MAP3K7CL: variants seen among roughly 807,000 people sequenced by gnomAD.
MAP3K7CL encodes MAP3K7 C-terminal like.
MAP3K7CL carries 16 observed loss-of-function variants against 18.6 expected under a neutral mutation model. That is an observed-to-expected ratio of 0.86 (90% CI 0.58 to 1.31). The LOEUF (loss-of-function observed/expected upper bound fraction) is 1.31. Ranked by LOEUF, MAP3K7CL falls within the 50% of genes most tolerant of loss-of-function variation. The pLI is 0.00. For missense variants in MAP3K7CL, 163 were observed against 174.4 expected (o/e 0.93, Z 0.37); for synonymous variants, 65 against 66.8 (o/e 0.97, Z 0.13).
At chr21:29,140,081 G>A (rs1004856793) in intron 2 of MAP3K7CL, among the ~76,000 whole-genome samples, 6 of 152,148 alleles carry the variant, frequency 3.9e-5, no homozygotes, top group Middle Eastern at 3.4e-3. Flanking sequence ...ATTTAAAGCC[G>A]CCTCAGCATG....
chr21:29,149,212 A>T lies in MAP3K7CL; in HGVS notation c.94A>T (p.Ile32Phe), dbSNP rs372225924. Residue 32 changes from isoleucine to phenylalanine, a missense_variant, in exon 3 of 5, where the codon ATT becomes TTT. Coordinates refer to ENST00000399928, the MANE Select transcript of MAP3K7CL (RefSeq NM_001286620.2). ...ASDDTPPEDSIPLVFPELDQQ... is the reference protein window; with the variant it reads ...ASDDTPPEDSFPLVFPELDQQ... ...AGATGATACACCCCCTGAAGACTCCATTCCTTTGGTCTTTCCAGAATTAGA... is the reference window on the plus strand; with the variant it reads ...AGATGATACACCCCCTGAAGACTCCTTTCCTTTGGTCTTTCCAGAATTAGA... The T allele has an allele frequency of 4.3e-6, 7 of 1,613,910 alleles. No individual in the cohort carries two copies. The highest frequency in any genetic ancestry group is 1.3e-5 in the African/African-American group (1 of 74,942).
At chr21:29,106,040 A>C (rs991037729) in intron 4 of MAP3K7CL, among the ~76,000 whole-genome samples, 1 of 152,168 alleles carries the variant, frequency 6.6e-6, no homozygotes, top group African/African-American at 2.4e-5. Flanking sequence ...CTGTAGGCTC[A>C]CACTAATCCC....
At chr21:29,135,420 C>G (rs924045652) in intron 2 of MAP3K7CL, among the ~76,000 whole-genome samples, 9 of 152,136 alleles carry the variant, frequency 5.9e-5, no homozygotes, top group African/African-American at 2.2e-4. Flanking sequence ...GTGAGCAGAA[C>G]AAGTCCTGTT....
chr21:29,108,162 G>C (rs1344190646), intron 4 of MAP3K7CL, among the ~76,000 whole-genome samples: 1 of 152,146 alleles, frequency 6.6e-6, no homozygotes, highest in African/African-American at 2.4e-5. Context: ...TTTTGAGACA[G>C]GGTCTTTAGG....
At position 29,149,249 on chromosome 21, in the gene MAP3K7CL, A is replaced by T; in HGVS notation, c.131A>T (p.Gln44Leu). The T allele has an allele frequency of 1.2e-6, 2 of 1,613,498 alleles. No individual in the cohort carries two copies. The highest frequency in any genetic ancestry group is 1.7e-6 in the Non-Finnish European group (2 of 1,179,372). The change falls in exon 3 of 5, where the codon CAG becomes CTG. Residue 44 changes from glutamine to leucine, a missense_variant and splice_region_variant. By Grantham distance (113) the Gln-to-Leu change is moderately radical. Transcript: ENST00000399928. ...TTTCCAGAATTAGACCAGCAGCTAC[A>T]GGTAAGGATTTTTCTAAAGTCTCTC... The part of the protein sequence containing the change: ...LVFPELDQQL[Q>L]PLPPCHDSEE...
intron 1 of MAP3K7CL, among the ~76,000 whole-genome samples, chr21:29,132,817 G>A (rs908712436): frequency 6.6e-6 from 1 of 151,962 alleles, no homozygotes; most frequent in Admixed American, 6.6e-5. Flanking sequence ...GCGACTTTTG[G>A]TATTCTTTAA....
chr21:29,105,161 C>G (rs551140932), intron 4 of MAP3K7CL, among the ~76,000 whole-genome samples: 10 of 152,192 alleles, frequency 6.6e-5, no homozygotes, highest in Admixed American at 3.3e-4. Context: ...CTGGGCAATT[C>G]CTCATTTTTT....
At chr21:29,094,506 G>A (rs993867264) in intron 4 of MAP3K7CL, among the ~76,000 whole-genome samples, 7 of 152,240 alleles carry the variant, frequency 4.6e-5, no homozygotes, top group African/African-American at 1.7e-4. Flanking sequence ...CATTTCTGGA[G>A]AGAAATCCTT....
At chr21:29,104,934 TC>T (rs2086294592) in intron 4 of MAP3K7CL, among the ~76,000 whole-genome samples, 1 of 152,198 alleles carries the variant, frequency 6.6e-6, no homozygotes, top group Non-Finnish European at 1.5e-5. Flanking sequence ...TTTTCATGAA[TC>T]ACCAGCTCTC....
intron 4 of MAP3K7CL, among the ~76,000 whole-genome samples, chr21:29,113,035 C>G (rs535265916): frequency 1.0e-3 from 155 of 152,262 alleles, no homozygotes; most frequent in Middle Eastern, 6.8e-3. Flanking sequence ...TCTCAAACTC[C>G]TCACCCGCCT....
intron 2 of MAP3K7CL, among the ~76,000 whole-genome samples, chr21:29,136,160 C>T (rs2086880690): frequency 6.6e-6 from 1 of 152,174 alleles, no homozygotes; most frequent in Non-Finnish European, 1.5e-5. Context: ...AGTCAGGGCC[C>T]AGGACTCTCT....
chr21:29,175,021 A>C lies in MAP3K7CL; in HGVS notation c.*129A>C. 1.1e-6 allele frequency: 1 copy of C among 891,036 alleles called. No homozygotes were observed. The allele number at this position is 891,036 out of a possible 1,614,324, so 55.2% of individuals were successfully genotyped here. ...TATTACCCACATGACAACTGTCTAT[A>C]ATGAGTTTACTGCTTGCCAGCTTCT... On this transcript the variant is annotated 3_prime_UTR_variant, in exon 5 of 5. Transcript: ENST00000399928.
At chr21:29,093,435 T>G (rs919435507) in intron 4 of MAP3K7CL, among the ~76,000 whole-genome samples, 1 of 152,172 alleles carries the variant, frequency 6.6e-6, no homozygotes, top group Non-Finnish European at 1.5e-5. Context: ...ATAAGGTAAT[T>G]CTCTTTATTT....
At chr21:29,121,932 T>G (rs999356383) in intron 4 of MAP3K7CL, 2 of 151,948 alleles carry the variant, frequency 1.3e-5, no homozygotes, top group Admixed American at 1.3e-4. Flanking sequence ...CAGGCACTAG[T>G]CAAATTTGAG....
intron 4 of MAP3K7CL, among the ~76,000 whole-genome samples, chr21:29,105,837 A>G (rs1388752743): frequency 6.6e-6 from 1 of 152,164 alleles, no homozygotes; most frequent in Non-Finnish European, 1.5e-5. Flanking sequence ...AAAAATGCAT[A>G]TGATCCTGTA....
rs1367994824 is a variant in MAP3K7CL at position 29,093,512 on chromosome 21, C to T, written c.370+931C>T. On this transcript the variant is annotated intron_variant, in intron 4 of 6. Transcript: ENST00000286791. ...TTGTTTTTGTTTTGAGATGGAGTCT[C>T]GCTCTGTCACCCAGGCTGGAGTGCA... Among the ~76,000 whole-genome samples the T allele has an allele frequency of 3.3e-5, 5 of 152,114 alleles. No homozygotes were observed. The South Asian group carries it at 8.3e-4, about 25-fold the overall frequency.
At chr21:29,148,236 T>C (rs1278392145) in intron 2 of MAP3K7CL, among the ~76,000 whole-genome samples, 42 of 152,034 alleles carry the variant, frequency 2.8e-4, no homozygotes. Flanking sequence ...TATGTGTAGG[T>C]ATACTGTATG....
chr21:29,089,189 A>AAAAAAAAC (rs2085978486), intron 1 of MAP3K7CL, among the ~76,000 whole-genome samples: 1 of 127,968 alleles, frequency 7.8e-6, no homozygotes. Flanking sequence ...AAAAAAAAAA[A>AAAAAAAAC]AAAAAAAAAA....
chr21:29,147,163 A>G (rs2087146009), intron 2 of MAP3K7CL, among the ~76,000 whole-genome samples: 1 of 152,106 alleles, frequency 6.6e-6, no homozygotes, highest in African/African-American at 2.4e-5. Context: ...TTGCATACAT[A>G]CTGTATATGC....
Sources: gnomAD v4.1 joint callset for allele counts (sites outside exome capture counted in the v4.1 genomes callset) on GRCh38, gnomAD v4.1.1 for gene constraint, MANE v1.5 for transcripts, NCBI Gene and HGNC (gene_info 2026-07-23, HGNC 2026-07-21) for gene names.